The following MAP7D3 variants were observed in gnomAD, a reference collection of about 807,000 sequenced individuals.
MAP7D3 encodes MAP7 domain-containing protein 3.
A neutral mutation model predicts 62.2 loss-of-function variants in MAP7D3; 45 were observed. The ratio of observed to expected loss-of-function variants is 0.72; its 90% CI spans 0.57 to 0.93. MAP7D3 has a LOEUF of 0.93. Among genes scored for constraint, MAP7D3 ranks in the 40% least tolerant of loss-of-function variants. MAP7D3 has a pLI of 0.00. For missense variants in MAP7D3, 711 were observed against 683.1 expected (o/e 1.04, Z -0.45); for synonymous variants, 288 against 248.8 (o/e 1.16, Z -1.48).
Position 136,222,405 on chromosome X carries a change from TTTCA to T in MAP7D3, c.2271_2274del (p.Asn757LysfsTer8), listed in dbSNP as rs2074140076. ...AATGGTGACTAACCTGATGGAAACA[TTTCA>T]TTCAATGAGTCCTTGTCGCTTTCTT... On this transcript the variant is annotated frameshift_variant, in exon 15 of 19. Coordinates refer to ENST00000316077, the MANE Select transcript of MAP7D3 (RefSeq NM_024597.4). LOFTEE classifies it high-confidence loss of function. 9.9e-6 allele frequency: 12 copies of T among 1,206,359 alleles called. No individual in the cohort carries two copies. Among genetic ancestry groups the T allele is most frequent in the African/African-American group, 1.7e-5 (1 of 57,708 alleles).
Position 136,217,373 on chromosome X carries a change from C to T in MAP7D3, c.*1153G>A, listed in dbSNP as rs1170331975. 1 of 111,606 alleles carries T rather than the reference C, an allele frequency of 9.0e-6. No homozygotes were observed. The highest frequency in any genetic ancestry group is 1.9e-5 in the Non-Finnish European group (1 of 53,068). 9.2% of individuals were successfully genotyped at this position (111,606 alleles called of 1,213,427 possible). A position where few individuals can be genotyped will look rare whatever the true frequency, so the allele number is the denominator to read the frequency against. On this transcript the variant is annotated 3_prime_UTR_variant, in exon 19 of 19. Coordinates refer to ENST00000316077, the MANE Select transcript of MAP7D3 (RefSeq NM_024597.4). ...TAAACATTTAGAGGAATTAAACATA[C>T]CCCACGGGACAACAGCCATATACTC... is the stretch of plus-strand genomic sequence containing the variant.
intron 1 of MAP7D3, among the ~76,000 whole-genome samples, chrX:136,247,743 A>C (rs955123138): frequency 9.9e-5 from 11 of 111,380 alleles, no homozygotes; most frequent in Non-Finnish European, 1.7e-4. Context: ...GAGCACTAGT[A>C]TATTAACAAA....
At chrX:136,236,433 C>T in intron 6 of MAP7D3, 94 bp from the exon 7 acceptor site, 1 of 423,409 alleles carries the variant, frequency 2.4e-6, no homozygotes, top group Non-Finnish European at 4.0e-6. Context: ...TTTATGTTCT[C>T]TACCTTGCTT....
At position 136,240,395 on chromosome X, in the gene MAP7D3, A is replaced by G; in HGVS notation, c.627T>C (p.Asn209=). The G allele has an allele frequency of 8.4e-7, 1 of 1,193,097 alleles. No homozygotes were observed. The highest frequency in any genetic ancestry group is 1.1e-6 in the Non-Finnish European group (1 of 879,307). Residue 209 remains asparagine, a synonymous_variant, in exon 6 of 19, where the codon AAT becomes AAC. Coordinates refer to ENST00000316077, the MANE Select transcript of MAP7D3 (RefSeq NM_024597.4). ...QMPLSSAGLQ[N]SVAKRKTDKE... ...ATAACTACTTACTTTTGGCAACGGA[A>G]TTTTGAAGGCCTGCAGATGACAAAG...
chrX:136,215,437 A>G (rs1299055151), downstream of MAP7D3, among the ~76,000 whole-genome samples: 1 of 111,914 alleles, frequency 8.9e-6, no homozygotes, highest in Non-Finnish European at 1.9e-5. Flanking sequence ...ATGAGAGTCT[A>G]ATGTCTGACG....
chrX:136,229,963 G>GTA (rs1314350673), intron 10 of MAP7D3, among the ~76,000 whole-genome samples: 204 of 35,931 alleles, frequency 5.7e-3, no homozygotes, highest in African/African-American at 9.4e-3. Context: ...TTTTGTGTGT[G>GTA]TATATATATA....
In MAP7D3 at chrX:136,218,088, C is replaced by G. The variant is rs1481189386; in HGVS notation, c.*438G>C. ...AAAAAAGAAAAAGAAAAAGAAAAAG[C>G]ATTACTTTAAGATTTCAAATATATA... On this transcript the variant is annotated 3_prime_UTR_variant, in exon 19 of 19. Coordinates refer to ENST00000316077, the MANE Select transcript of MAP7D3 (RefSeq NM_024597.4). 9.1e-6 allele frequency: 1 copy of G among 110,484 alleles called. No individual in the cohort carries two copies. Among genetic ancestry groups the G allele is most frequent in the Non-Finnish European group, 1.9e-5 (1 of 52,751 alleles). 9.1% of individuals were successfully genotyped at this position (110,484 alleles called of 1,213,427 possible).
chrX:136,228,982 A>T, intron 10 of MAP7D3: 1 of 236,869 alleles, frequency 4.2e-6, no homozygotes, highest in Non-Finnish European at 7.5e-6. Flanking sequence ...ACTTGTTCCA[A>T]AATGAAATAA....
At chrX:136,244,370 A>C (rs1437312521) in intron 4 of MAP7D3, among the ~76,000 whole-genome samples, 1 of 111,773 alleles carries the variant, frequency 8.9e-6, no homozygotes, top group Non-Finnish European at 1.9e-5. Flanking sequence ...TCATGTGCCA[A>C]GTCCTGAAGG....
chrX:136,231,711 C>T lies in MAP7D3; in HGVS notation c.1246G>A (p.Ala416Thr), dbSNP rs2074270337. 2.5e-6 allele frequency: 3 copies of T among 1,210,519 alleles called. No homozygotes were observed. Among genetic ancestry groups the T allele is most frequent in the Non-Finnish European group, 3.4e-6 (3 of 895,145 alleles). Residue 416 changes from alanine to threonine, a missense_variant, in exon 8 of 19, where the codon GCA (alanine) becomes ACA (threonine). Physicochemically the swap from Ala to Thr is moderately conservative, Grantham distance 58. Coordinates refer to ENST00000316077, the MANE Select transcript of MAP7D3 (RefSeq NM_024597.4). The stretch of plus-strand genomic sequence containing the variant: ...ACTTCTGCGCTCCCCTTGGGAGGTG[C>T]TTCCAGGCTCCCCTCTGGGGCTGCT... ...VEAAPEGSLE[A>T]PPKGSAEVAP... is the part of the protein sequence containing the mutation.
At chrX:136,247,608 T>TA (rs1190911397) in intron 1 of MAP7D3, among the ~76,000 whole-genome samples, 4 of 100,106 alleles carry the variant, frequency 4.0e-5, no homozygotes, top group Middle Eastern at 4.7e-3. Flanking sequence ...TTTTTTTTTT[T>TA]ACCCCAGAGG....
chrX:136,240,538 C>T (rs1176484732), intron 5 of MAP7D3, 52 bp from the exon 6 acceptor site: 2 of 813,572 alleles, frequency 2.5e-6, no homozygotes, highest in East Asian at 3.2e-5. Context: ...AGGAAAGAAT[C>T]ATTAACTGAA....
At chrX:136,239,219 A>G (rs1028200239) in intron 6 of MAP7D3, among the ~76,000 whole-genome samples, 6 of 112,057 alleles carry the variant, frequency 5.4e-5, no homozygotes, top group African/African-American at 1.3e-4. Flanking sequence ...CAAGCCAGAC[A>G]TGGTTATTGA....
At position 136,231,918 on chromosome X, in the gene MAP7D3, G is replaced by A; in HGVS notation, c.1039C>T (p.Pro347Ser). Residue 347 changes from proline to serine, a missense_variant, in exon 8 of 19, where the codon CCT (proline) becomes TCT (serine). Physicochemically the swap from Pro to Ser is moderately conservative, Grantham distance 74. Transcript: ENST00000316077. ...TCAGAATCATATGTGCTCACCACAG[G>A]CGACACGTCCACGCTCACCACAGGG... is the stretch of plus-strand genomic sequence containing the variant. ...SFPVVSVDVSPVVSTYDSEMS... is the reference protein window; with the variant it reads ...SFPVVSVDVSSVVSTYDSEMS... The A allele has an allele frequency of 2.5e-6, 3 of 1,211,317 alleles. No homozygotes were observed. Among genetic ancestry groups the A allele is most frequent in the Non-Finnish European group, 2.2e-6 (2 of 895,376 alleles).
At chrX:136,250,126 G>GA (rs1377385648) in intron 1 of MAP7D3, among the ~76,000 whole-genome samples, 1 of 111,680 alleles carries the variant, frequency 9.0e-6, no homozygotes, top group Non-Finnish European at 1.9e-5. Flanking sequence ...TATAGACACG[G>GA]AAGGAAGATT....
In MAP7D3 at chrX:136,222,468, G is replaced by A. The variant is rs1469206138; in HGVS notation, c.2212C>T (p.His738Tyr). ...NASKVTETSS[H>Y]DIYEEAEADN... Reference sequence around the variant, plus strand: ...GCCTCAGCCTCTTCATATATGTCATGGCTGGATGTTTCTGTGACCTACGAT... The same window carrying A: ...GCCTCAGCCTCTTCATATATGTCATAGCTGGATGTTTCTGTGACCTACGAT... Residue 738 changes from histidine (H) to tyrosine (Y), a missense_variant, in exon 15 of 19, where the codon CAT (histidine) becomes TAT (tyrosine). Coordinates refer to ENST00000316077, the MANE Select transcript of MAP7D3 (RefSeq NM_024597.4). 8.3e-7 allele frequency: 1 copy of A among 1,202,216 alleles called. No individual in the cohort carries two copies. The highest frequency in any genetic ancestry group is 2.2e-5 in the Admixed American group (1 of 45,872).
chrX:136,215,565 C>T (rs1276190508), downstream of MAP7D3, among the ~76,000 whole-genome samples: 7 of 111,692 alleles, frequency 6.3e-5, no homozygotes, highest in African/African-American at 2.3e-4. Context: ...TTATATATTA[C>T]AATGTAATAA....
downstream of MAP7D3, among the ~76,000 whole-genome samples, chrX:136,216,392 G>A (rs1603275736): frequency 1.1e-4 from 9 of 84,639 alleles, no homozygotes; most frequent in Admixed American, 2.7e-4. Flanking sequence ...GAAAAAAAGA[G>A]AAGAAGAAAG....
At position 136,251,332 on chromosome X, in the gene MAP7D3, G is replaced by A. The variant is rs2074507712; in HGVS notation, c.27C>T (p.Gly9=). 1 of 1,128,270 alleles carries A rather than the reference G, an allele frequency of 8.9e-7. No individual in the cohort carries two copies. Among genetic ancestry groups the A allele is most frequent in the Non-Finnish European group, 1.2e-6 (1 of 860,032 alleles). The allele number at this position is 1,128,270 out of a possible 1,213,427, so 93.0% of individuals were successfully genotyped here. A position where few individuals can be genotyped will look rare whatever the true frequency, so the allele number is the denominator to read the frequency against. ...CTCTCAAGGATGGGCTGCCGCCAGC[G>A]CCAGCTGCGGCGCCGTCCGCCATCA... MMADGAAA[G]AGGSPSLREL... is the part of the protein sequence containing the mutation. Residue 9 remains glycine (G), a synonymous_variant, in exon 1 of 19, where the codon GGC becomes GGT. Transcript: ENST00000316077.
Sources: gnomAD v4.1 joint callset for allele counts (sites outside exome capture counted in the v4.1 genomes callset) on GRCh38, gnomAD v4.1.1 for gene constraint, MANE v1.5 for transcripts, NCBI Gene and HGNC (gene_info 2026-07-23, HGNC 2026-07-21) for gene names.